MYO18B: variants seen among roughly 807,000 people sequenced by gnomAD.
MYO18B encodes the protein myosin XVIIIB, also known as unconventional myosin-XVIIIb.
A neutral mutation model predicts 273.0 loss-of-function variants in MYO18B; 204 were observed. That is an observed-to-expected ratio of 0.75 (90% CI 0.67 to 0.84). The LOEUF is 0.84. Among genes scored for constraint, MYO18B ranks in the 40% least tolerant of loss-of-function variants. The pLI, the probability that MYO18B is intolerant of heterozygous loss-of-function variation, is 0.00. For synonymous variants in MYO18B, 1,330 were observed against 1,305.7 expected (o/e 1.02, Z -0.40); for missense variants, 3,212 against 3,287.6 (o/e 0.98, Z 0.56).
chr22:25,876,120 C>T (rs1292126657), intron 23 of MYO18B, 69 bp from the exon 24 acceptor site: 2 of 1,532,896 alleles, frequency 1.3e-6, no homozygotes, highest in African/African-American at 1.4e-5. Context: ...TACCCTCTGC[C>T]TCCTCTCCTT....
intron 11 of MYO18B, among the ~76,000 whole-genome samples, chr22:25,793,446 C>T (rs2087766641): frequency 6.6e-6 from 1 of 152,098 alleles, no homozygotes; most frequent in South Asian, 2.1e-4. Flanking sequence ...GCTATGTTGC[C>T]CAGGCTGGTC....
rs771913917 is a variant in MYO18B at position 25,769,434 on chromosome 22, G to A, written c.1512+6G>A. The A allele has an allele frequency of 1.1e-4, 160 of 1,517,618 alleles. No individual in the cohort carries two copies. The highest frequency in any genetic ancestry group is 1.3e-4 in the Non-Finnish European group (149 of 1,132,996). The allele number at this position is 1,517,618 out of a possible 1,614,324, so 94.0% of individuals were successfully genotyped here. On this transcript the variant is annotated splice_donor_region_variant and intron_variant, in intron 4 of 43. Coordinates refer to ENST00000335473, the MANE Select transcript of MYO18B (RefSeq NM_032608.7). The stretch of plus-strand genomic sequence containing the variant: ...AGAGCAGAGACTCAGACCAGGTGAG[G>A]GGGCTGCGGCCCTGGGAGCGGGAAG...
intron 42 of MYO18B, among the ~76,000 whole-genome samples, chr22:26,017,667 A>G (rs1041660878): frequency 4.6e-5 from 7 of 152,242 alleles, no homozygotes; most frequent in African/African-American, 9.6e-5. Context: ...CAGTGGGTAC[A>G]TGTGCAGGTG....
chr22:25,934,682 G>A (rs1020015066), intron 34 of MYO18B, among the ~76,000 whole-genome samples: 5 of 152,102 alleles, frequency 3.3e-5, no homozygotes, highest in African/African-American at 7.2e-5. Flanking sequence ...GCTGGGAGGG[G>A]GCTTCCAGGT....
At chr22:25,898,515 C>T in intron 29 of MYO18B, 54 bp downstream of exon 29, 1 of 1,582,622 alleles carries the variant, frequency 6.3e-7, no homozygotes, top group Admixed American at 1.8e-5. Context: ...TACATTGGAG[C>T]TGGCGTTTTC....
intron 14 of MYO18B, 144 bp from the exon 15 acceptor site, chr22:25,828,632 A>C: frequency 2.9e-6 from 2 of 688,352 alleles, no homozygotes; most frequent in Non-Finnish European, 2.4e-6. Flanking sequence ...ACCCCTGCTC[A>C]GAGAGGTTAA....
chr22:26,050,018 T>A, the MYO18B span, among the ~76,000 whole-genome samples: 2 of 152,204 alleles, frequency 1.3e-5, no homozygotes, highest in Non-Finnish European at 2.9e-5. Flanking sequence ...AATGCTTCAG[T>A]TGATTTCAAT....
intron 40 of MYO18B, among the ~76,000 whole-genome samples, 193 bp from the exon 41 acceptor site, chr22:26,003,072 C>T (rs1934108460): frequency 6.6e-6 from 1 of 152,124 alleles, no homozygotes; most frequent in Admixed American, 6.5e-5. Context: ...TGCTCCACAA[C>T]AGAGCCCCAT....
chr22:25,891,266 G>A (rs1007128738), intron 26 of MYO18B, 38 bp from the exon 27 acceptor site: 20 of 1,428,028 alleles, frequency 1.4e-5, no homozygotes, highest in Non-Finnish European at 1.9e-5. Flanking sequence ...CATGTCTTCT[G>A]TCCAGCTCTA....
intron 21 of MYO18B, among the ~76,000 whole-genome samples, chr22:25,856,179 T>G (rs1387828633): frequency 6.6e-6 from 1 of 152,236 alleles, no homozygotes; most frequent in Non-Finnish European, 1.5e-5. Context: ...TGGCAAGTTC[T>G]CCACATTCCT....
At chr22:25,906,238 A>G (rs1339878179) in intron 31 of MYO18B, among the ~76,000 whole-genome samples, 1 of 152,228 alleles carries the variant, frequency 6.6e-6, no homozygotes, top group African/African-American at 2.4e-5. Context: ...TAAGTTTGAC[A>G]TAAATGGTAT....
intron 39 of MYO18B, among the ~76,000 whole-genome samples, chr22:25,990,234 T>G (rs2093250322): frequency 6.6e-6 from 1 of 152,140 alleles, no homozygotes; most frequent in African/African-American, 2.4e-5. Context: ...GTCCCTGTAA[T>G]GGTCCTCGCT....
At chr22:26,005,420 T>G (rs1338982668) in intron 42 of MYO18B, among the ~76,000 whole-genome samples, 1 of 152,210 alleles carries the variant, frequency 6.6e-6, no homozygotes, top group African/African-American at 2.4e-5. Context: ...AGGGATGAAT[T>G]CAGGTGTGGC....
At chr22:25,944,012 G>A (rs576502340) in intron 34 of MYO18B, among the ~76,000 whole-genome samples, 19 of 152,082 alleles carry the variant, frequency 1.2e-4, no homozygotes, top group African/African-American at 3.4e-4. Context: ...GTGAGCCACC[G>A]CAACCAGCCC....
At chr22:25,759,633 T>A (rs1030636550) in intron 1 of MYO18B, among the ~76,000 whole-genome samples, 6 of 152,138 alleles carry the variant, frequency 3.9e-5, no homozygotes, top group African/African-American at 1.4e-4. Context: ...CAAACCTGCA[T>A]GTTCTACACA....
chr22:25,960,482 C>T (rs941453412), intron 39 of MYO18B, among the ~76,000 whole-genome samples: 2 of 152,142 alleles, frequency 1.3e-5, no homozygotes, highest in African/African-American at 4.8e-5. Flanking sequence ...TGGCCTGATT[C>T]TCCGGTTTTG....
At chr22:25,917,009 G>A (rs2092271197) in intron 33 of MYO18B, among the ~76,000 whole-genome samples, 1 of 152,172 alleles carries the variant, frequency 6.6e-6, no homozygotes, top group African/African-American at 2.4e-5. Context: ...TCCAGCCTGG[G>A]TGACAGAGCG....
chr22:25,968,293 A>T (rs2093000323), intron 39 of MYO18B, among the ~76,000 whole-genome samples: 1 of 152,214 alleles, frequency 6.6e-6, no homozygotes, highest in Admixed American at 6.5e-5. Context: ...CCCTGAATCC[A>T]GGAGTAGAGT....
At chr22:25,776,874 C>A (rs185120363) in intron 7 of MYO18B, among the ~76,000 whole-genome samples, 38 of 151,164 alleles carry the variant, frequency 2.5e-4, no homozygotes, top group African/African-American at 9.2e-4. Flanking sequence ...CTGTATCATT[C>A]AGCATTCCCA....
Sources: gnomAD v4.1 joint callset for allele counts (sites outside exome capture counted in the v4.1 genomes callset) on GRCh38, gnomAD v4.1.1 for gene constraint, MANE v1.5 for transcripts, NCBI Gene and HGNC (gene_info 2026-07-23, HGNC 2026-07-21) for gene names.